The following LRRC4C variants were observed in gnomAD, a reference collection of about 807,000 sequenced individuals.
LRRC4C encodes the protein leucine rich repeat containing 4C.
Under a neutral mutation model 33.6 loss-of-function variants are expected in LRRC4C, and 5 were observed. The ratio of observed to expected loss-of-function variants is 0.15; its 90% CI spans 0.08 to 0.31. The LOEUF (loss-of-function observed/expected upper bound fraction) is 0.31, where lower values mean the gene tolerates loss of function less well. LRRC4C is among the 10% of genes least tolerant of loss of function. The pLI, the probability that LRRC4C is intolerant of heterozygous loss-of-function variation, is 1.00. For missense variants in LRRC4C, 560 were observed against 796.7 expected, an observed-to-expected ratio of 0.70 and a Z score of 3.58; for synonymous variants, 329 against 302.0, an observed-to-expected ratio of 1.09 and a Z score of -0.93.
intron 2 of LRRC4C, among the ~76,000 whole-genome samples, chr11:40,734,660 C>T (rs574013065): frequency 7.2e-5 from 11 of 152,018 alleles, no homozygotes; most frequent in South Asian, 4.2e-4. Flanking sequence ...TATGACTAAC[C>T]GGGAGACAAA....
intron 4 of LRRC4C, among the ~76,000 whole-genome samples, chr11:40,306,497 TG>T (rs1156780691): frequency 6.6e-6 from 1 of 152,206 alleles, no homozygotes; most frequent in East Asian, 1.9e-4. Context: ...CATTCTCACA[TG>T]GACAAAGTGT....
chr11:40,379,354 T>G (rs1387508440), intron 3 of LRRC4C, among the ~76,000 whole-genome samples: 1 of 152,172 alleles, frequency 6.6e-6, no homozygotes, highest in Non-Finnish European at 1.5e-5. Flanking sequence ...AAGCAGCTGT[T>G]TTAAACCCAA....
intron 3 of LRRC4C, among the ~76,000 whole-genome samples, chr11:40,592,333 C>T (rs946866410): frequency 6.6e-6 from 1 of 152,126 alleles, no homozygotes; most frequent in Admixed American, 6.5e-5. Context: ...ATCATAATCA[C>T]TTGGAGGGGT....
chr11:41,406,288 T>G (rs1191602933), intron 1 of LRRC4C, among the ~76,000 whole-genome samples: 2 of 152,174 alleles, frequency 1.3e-5, no homozygotes, highest in Non-Finnish European at 2.9e-5. Flanking sequence ...ATGACAGTTA[T>G]GAACTATATA....
intron 1 of LRRC4C, among the ~76,000 whole-genome samples, chr11:41,086,103 C>T (rs1463713041): frequency 6.6e-6 from 1 of 152,012 alleles, no homozygotes; most frequent in Non-Finnish European, 1.5e-5. Flanking sequence ...TCAGGTTCTC[C>T]ATTAAAACAG....
intron 1 of LRRC4C, among the ~76,000 whole-genome samples, chr11:41,246,816 G>C (rs1434874766): frequency 6.6e-6 from 1 of 152,224 alleles, no homozygotes; most frequent in Non-Finnish European, 1.5e-5. Flanking sequence ...CTAGTATTAA[G>C]CTTTAGGGTT....
chr11:41,211,335 ATTTTTG>A (rs1946812316), intron 1 of LRRC4C, among the ~76,000 whole-genome samples: 1 of 151,908 alleles, frequency 6.6e-6, no homozygotes, highest in Non-Finnish European at 1.5e-5. Flanking sequence ...ATTTATTTTT[ATTTTTG>A]TATTATACTT....
At chr11:40,133,577 C>G (rs532422656) in intron 6 of LRRC4C, among the ~76,000 whole-genome samples, 1 of 152,284 alleles carries the variant, frequency 6.6e-6, no homozygotes, top group Admixed American at 6.5e-5. Flanking sequence ...TAACGCTATA[C>G]CTACCAGGGA....
intron 3 of LRRC4C, among the ~76,000 whole-genome samples, chr11:40,472,460 A>G: frequency 6.7e-6 from 1 of 148,548 alleles, no homozygotes; most frequent in Non-Finnish European, 1.5e-5. Flanking sequence ...CAGCTAAAGA[A>G]GTGTTTAGAG....
chr11:41,065,579 C>A (rs1194445052), intron 1 of LRRC4C, among the ~76,000 whole-genome samples: 1 of 152,214 alleles, frequency 6.6e-6, no homozygotes, highest in African/African-American at 2.4e-5. Context: ...GGACATACTG[C>A]CTCCTCAAGT....
At chr11:40,872,077 C>T (rs562896226) in intron 2 of LRRC4C, among the ~76,000 whole-genome samples, 1 of 152,260 alleles carries the variant, frequency 6.6e-6, no homozygotes, top group Admixed American at 6.5e-5. Flanking sequence ...TCATTTACTA[C>T]TCTAAACGAG....
chr11:41,284,269 A>G (rs951260901), intron 1 of LRRC4C, among the ~76,000 whole-genome samples: 30 of 152,366 alleles, frequency 2.0e-4, no homozygotes, highest in Middle Eastern at 3.4e-3. Context: ...GACTGCTATA[A>G]CTATGGAAAC....
chr11:41,134,312 C>T (rs1943157655), intron 1 of LRRC4C, among the ~76,000 whole-genome samples: 1 of 152,120 alleles, frequency 6.6e-6, no homozygotes, highest in African/African-American at 2.4e-5. Context: ...CTGTGCTGAA[C>T]AAGCTGGTCT....
At chr11:40,498,016 T>C (rs970751286) in intron 3 of LRRC4C, among the ~76,000 whole-genome samples, 2 of 152,214 alleles carry the variant, frequency 1.3e-5, no homozygotes, top group African/African-American at 2.4e-5. Flanking sequence ...GTAAATCTTA[T>C]TTAAATCGAC....
At chr11:41,138,455 C>T (rs1943360012) in intron 1 of LRRC4C, among the ~76,000 whole-genome samples, 1 of 152,016 alleles carries the variant, frequency 6.6e-6, no homozygotes, top group Non-Finnish European at 1.5e-5. Context: ...TTGACACTCC[C>T]TGGAGAAGGA....
intron 2 of LRRC4C, among the ~76,000 whole-genome samples, chr11:40,857,411 A>T (rs919813504): frequency 1.3e-5 from 2 of 151,970 alleles, no homozygotes; most frequent in African/African-American, 2.4e-5. Context: ...ATGTGTTCTC[A>T]TTGTTCAGCT....
intron 3 of LRRC4C, among the ~76,000 whole-genome samples, chr11:40,566,489 A>G (rs1957774101): frequency 6.6e-6 from 1 of 152,116 alleles, no homozygotes; most frequent in South Asian, 2.1e-4. Flanking sequence ...CAAATTATAG[A>G]ATAGTTACTA....
chr11:40,685,887 C>T (rs1241918406), intron 2 of LRRC4C, among the ~76,000 whole-genome samples: 1 of 151,450 alleles, frequency 6.6e-6, no homozygotes, highest in African/African-American at 2.4e-5. Flanking sequence ...TTGAAAGATT[C>T]AATCGTACAA....
intron 1 of LRRC4C, among the ~76,000 whole-genome samples, chr11:41,219,754 A>G (rs1947222225): frequency 6.6e-6 from 1 of 152,242 alleles, no homozygotes; most frequent in Non-Finnish European, 1.5e-5. Flanking sequence ...GGGATGAACC[A>G]GATGAAGTTT....
Sources: gnomAD v4.1 joint callset for allele counts (sites outside exome capture counted in the v4.1 genomes callset) on GRCh38, gnomAD v4.1.1 for gene constraint, MANE v1.5 for transcripts, NCBI Gene and HGNC (gene_info 2026-07-23, HGNC 2026-07-21) for gene names.